Variants in AP4S1 observed in about 807,000 individuals in gnomAD.
AP4S1 encodes AP-4 complex subunit sigma-1.
AP4S1 carries 23 observed loss-of-function variants against 19.8 expected under a neutral mutation model. That is an observed-to-expected ratio of 1.16 (90% CI 0.84 to 1.65). The LOEUF is 1.65. AP4S1 is among the 40% of genes most tolerant of loss of function. The pLI is 0.00. For synonymous variants in AP4S1, 46 were observed against 54.1 expected (o/e 0.85, Z 0.66); for missense variants, 166 against 172.8 (o/e 0.96, Z 0.22).
At chr14:31,054,191 G>A (rs1015856726) in intron 1 of AP4S1, among the ~76,000 whole-genome samples, 4 of 152,174 alleles carry the variant, frequency 2.6e-5, no homozygotes, top group Admixed American at 6.6e-5. Flanking sequence ...TCACGTTCTG[G>A]TATAGTGTTT....
In AP4S1 at chr14:31,080,572, G is replaced by T; in HGVS notation, c.295-1G>T. 1 of 1,612,226 alleles carries T rather than the reference G, an allele frequency of 6.2e-7. No individual in the cohort carries two copies. The highest frequency in any genetic ancestry group is 1.1e-5 in the South Asian group (1 of 90,992). ...CCTTGCACTCTTTTTCTGTCTTCCA[G>T]AGTGAATTAGATGTATCCTTTTTCA... On this transcript the variant is annotated splice_acceptor_variant, in intron 4 of 5. Transcript: ENST00000542754. LOFTEE classifies it high-confidence loss of function.
intron 5 of AP4S1, among the ~76,000 whole-genome samples, chr14:31,086,843 C>A (rs188838406): frequency 6.6e-6 from 1 of 152,158 alleles, no homozygotes; most frequent in South Asian, 2.1e-4. Flanking sequence ...GTAAAAACCT[C>A]ACTTTTAAAA....
At position 31,068,029 on chromosome 14, in the gene AP4S1, C is replaced by T. The variant is rs138733107; in HGVS notation, c.138+1695C>T. ...GATTACAGGCATGTGCCACAACACCCGGCTAATTTTGTATTTTTAGTAGAG... is the reference window on the plus strand; with the variant it reads ...GATTACAGGCATGTGCCACAACACCTGGCTAATTTTGTATTTTTAGTAGAG... On this transcript the variant is annotated intron_variant, in intron 2 of 5. Transcript: ENST00000542754. Among the ~76,000 whole-genome samples, 68 of 151,468 alleles carry T rather than the reference C, an allele frequency of 4.5e-4. No homozygotes were observed. In the East Asian group the frequency reaches 6.1e-3, roughly 14 times the overall value.
chr14:31,026,206 G>C, intron 1 of AP4S1: 1 of 1,394,824 alleles, frequency 7.2e-7, no homozygotes, highest in South Asian at 1.6e-5. Flanking sequence ...GCCCCGGCCG[G>C]GGCGCAGGGC....
At chr14:31,031,842 C>T (rs905531279) in intron 1 of AP4S1, among the ~76,000 whole-genome samples, 1 of 152,280 alleles carries the variant, frequency 6.6e-6, no homozygotes, top group African/African-American at 2.4e-5. Flanking sequence ...CTCCTCCATG[C>T]CCATAGATTC....
At position 31,067,955 on chromosome 14, in the gene AP4S1, A is replaced by G. The variant is rs953325077; in HGVS notation, c.138+1621A>G. On this transcript the variant is annotated intron_variant, in intron 2 of 5. Transcript: ENST00000542754. ...ACGATCTTGGCTTACCACAACATCC[A>G]CCTCCCAGGTTCAAGCGATTCTCCT... Among the ~76,000 whole-genome samples the G allele has an allele frequency of 2.0e-5, 3 of 150,076 alleles. No individual in the cohort carries two copies. In the East Asian group the frequency reaches 5.9e-4, roughly 30 times the overall value.
intron 1 of AP4S1, among the ~76,000 whole-genome samples, chr14:31,034,392 GTTTTATAGT>G (rs1161303807): frequency 6.6e-6 from 1 of 151,922 alleles, no homozygotes; most frequent in Non-Finnish European, 1.5e-5. Context: ...TGCTTCTTTT[GTTTTATAGT>G]TTTTATAGTT....
At chr14:31,040,195 A>G (rs1366051657) in intron 1 of AP4S1, among the ~76,000 whole-genome samples, 1 of 147,768 alleles carries the variant, frequency 6.8e-6, no homozygotes, top group Non-Finnish European at 1.5e-5. Context: ...TCCCTCCCCA[A>G]GGCTGGAGTG....
At chr14:31,029,708 T>C (rs1171704744) in intron 1 of AP4S1, among the ~76,000 whole-genome samples, 2 of 152,080 alleles carry the variant, frequency 1.3e-5, no homozygotes, top group Admixed American at 1.3e-4. Context: ...TCCCAGCTAC[T>C]CTGGAGGCTG....
intron 1 of AP4S1, among the ~76,000 whole-genome samples, chr14:31,047,331 G>A (rs1231808684): frequency 1.3e-5 from 2 of 150,860 alleles, no homozygotes; most frequent in South Asian, 2.1e-4. Flanking sequence ...TTCTTGTGGT[G>A]TGTGGGCAGG....
chr14:31,064,577 C>A (rs1277958413), intron 1 of AP4S1, among the ~76,000 whole-genome samples: 1 of 152,166 alleles, frequency 6.6e-6, no homozygotes, highest in Non-Finnish European at 1.5e-5. Flanking sequence ...CTGTGTTGGC[C>A]TCCCAAAATG....
intron 1 of AP4S1, among the ~76,000 whole-genome samples, chr14:31,032,262 T>A (rs1393537610): frequency 1.3e-5 from 2 of 152,112 alleles, no homozygotes; most frequent in African/African-American, 2.4e-5. Flanking sequence ...GGCGTCACCT[T>A]TGAAACTTCC....
chr14:31,077,738 T>G (rs551125238), intron 4 of AP4S1, among the ~76,000 whole-genome samples: 1 of 142,728 alleles, frequency 7.0e-6, no homozygotes, highest in South Asian at 2.1e-4. Flanking sequence ...TTTTCTTTTT[T>G]CTTTTTTTTT....
chr14:31,058,519 GTGTGTGTA>G (rs1297684156), intron 1 of AP4S1, among the ~76,000 whole-genome samples: 1,664 of 91,514 alleles, frequency 0.018, 23 homozygotes, highest in African/African-American at 0.06. Context: ...CCCCATCTCT[GTGTGTGTA>G]TGTGTGTGTG....
intron 1 of AP4S1, among the ~76,000 whole-genome samples, chr14:31,055,539 G>T (rs1886059541): frequency 6.6e-6 from 1 of 152,086 alleles, no homozygotes; most frequent in Admixed American, 6.6e-5. Context: ...TCTTGTCCAG[G>T]GTCACAAAGC....
chr14:31,091,890 A>G (rs17097719), intron 5 of AP4S1, among the ~76,000 whole-genome samples: 2,311 of 152,330 alleles, frequency 0.015, 69 homozygotes, highest in African/African-American at 0.053. Context: ...CTTTAAGTAG[A>G]CAGAGAACTT....
intron 1 of AP4S1, 87 bp downstream of exon 1, chr14:31,025,874 A>T: frequency 6.3e-7 from 1 of 1,585,960 alleles, no homozygotes; most frequent in Non-Finnish European, 8.6e-7. Context: ...CAGCCGCCGC[A>T]GCTCCCGCAC....
chr14:31,026,454 T>A (rs1199388259), intron 1 of AP4S1: 1 of 394,716 alleles, frequency 2.5e-6, no homozygotes, highest in Admixed American at 4.7e-5. Flanking sequence ...GGGAAGGGGA[T>A]AGGCGGAGGG....
At chr14:31,066,431 T>C (rs1009919679) in intron 2 of AP4S1, 97 bp downstream of exon 2, 14 of 1,499,462 alleles carry the variant, frequency 9.3e-6, no homozygotes, top group Non-Finnish European at 1.0e-5. Flanking sequence ...CTTTGAGCTA[T>C]ATTCCTTCAA....
Sources: allele counts gnomAD v4.1 joint callset (sites outside exome capture counted in the v4.1 genomes callset), GRCh38; gene constraint gnomAD v4.1.1; transcripts MANE v1.5; gene names NCBI Gene and HGNC (gene_info 2026-07-23, HGNC 2026-07-21).